The following LRRTM4 variants were observed in gnomAD, a reference collection of about 807,000 sequenced individuals.
LRRTM4 encodes the protein leucine-rich repeat transmembrane neuronal protein 4.
LRRTM4 carries 25 observed loss-of-function variants against 47.6 expected under a neutral mutation model. The observed-to-expected ratio is 0.53, with a 90% CI of 0.38 to 0.73. The LOEUF (loss-of-function observed/expected upper bound fraction) is 0.73. Among genes scored for constraint, LRRTM4 ranks in the 30% least tolerant of loss-of-function variants. The pLI, the probability that LRRTM4 is intolerant of heterozygous loss-of-function variation, is 0.00. For missense variants in LRRTM4, 638 were observed against 713.4 expected, an observed-to-expected ratio of 0.89 and a Z score of 1.20; for synonymous variants, 311 against 269.5, an observed-to-expected ratio of 1.15 and a Z score of -1.51.
intron 3 of LRRTM4, among the ~76,000 whole-genome samples, chr2:77,433,069 A>AAAAAGACAATCTAC (rs1243003494): frequency 6.6e-6 from 1 of 152,184 alleles, no homozygotes; most frequent in East Asian, 1.9e-4. Context: ...GACAAGGCAG[A>AAAAAGACAATCTAC]AAAAGACAAT....
At chr2:77,219,471 C>A (rs1674556484) in intron 3 of LRRTM4, among the ~76,000 whole-genome samples, 2 of 152,076 alleles carry the variant, frequency 1.3e-5, no homozygotes, top group African/African-American at 2.4e-5. Flanking sequence ...GGAAAAAAAA[C>A]AGAAACACGA....
intron 3 of LRRTM4, among the ~76,000 whole-genome samples, chr2:76,866,771 G>T (rs1672481960): frequency 6.6e-6 from 1 of 152,080 alleles, no homozygotes; most frequent in Admixed American, 6.6e-5. Flanking sequence ...TTGGTTCCTA[G>T]TCTTTGCTAT....
At chr2:77,207,142 T>TA (rs1674148152) in intron 3 of LRRTM4, among the ~76,000 whole-genome samples, 15 of 136,848 alleles carry the variant, frequency 1.1e-4, no homozygotes, top group East Asian at 2.2e-4. Flanking sequence ...TATTTTATAT[T>TA]TATATATATA....
chr2:77,165,185 C>G (rs1000579790), intron 3 of LRRTM4, among the ~76,000 whole-genome samples: 4 of 152,170 alleles, frequency 2.6e-5, no homozygotes, highest in East Asian at 3.9e-4. Flanking sequence ...CTATAAACAT[C>G]TCTATGCAAA....
chr2:77,006,573 G>A (rs561934579), intron 3 of LRRTM4, among the ~76,000 whole-genome samples: 1 of 152,246 alleles, frequency 6.6e-6, no homozygotes, highest in Admixed American at 6.5e-5. Context: ...TAAGAGCTAA[G>A]GAAGATGTAT....
intron 3 of LRRTM4, among the ~76,000 whole-genome samples, chr2:76,889,134 G>C (rs1673172274): frequency 6.6e-6 from 1 of 151,704 alleles, no homozygotes; most frequent in Non-Finnish European, 1.5e-5. Context: ...TTTTCATGGA[G>C]GAAACGTAAA....
intron 3 of LRRTM4, among the ~76,000 whole-genome samples, chr2:77,299,245 A>G (rs1454442333): frequency 1.9e-5 from 2 of 105,422 alleles, no homozygotes; most frequent in Non-Finnish European, 3.8e-5. Flanking sequence ...CTCTCTCTTT[A>G]TCTATATATA....
At chr2:76,840,859 C>T (rs887093038) in intron 3 of LRRTM4, among the ~76,000 whole-genome samples, 3 of 151,956 alleles carry the variant, frequency 2.0e-5, no homozygotes, top group South Asian at 2.1e-4. Flanking sequence ...TTGTGGAAGT[C>T]AGTGTGGCGA....
At chr2:77,488,260 T>A (rs1678004167) in intron 3 of LRRTM4, among the ~76,000 whole-genome samples, 1 of 152,168 alleles carries the variant, frequency 6.6e-6, no homozygotes, top group Non-Finnish European at 1.5e-5. Context: ...TTGCGGTACA[T>A]CTGGTCCAAC....
intron 3 of LRRTM4, among the ~76,000 whole-genome samples, chr2:76,787,787 A>C (rs1050852339): frequency 6.6e-6 from 1 of 152,032 alleles, no homozygotes; most frequent in Admixed American, 6.6e-5. Flanking sequence ...ATAGAGGTTC[A>C]CTTGATTTTC....
intron 3 of LRRTM4, among the ~76,000 whole-genome samples, chr2:77,066,964 T>TC (rs1182348036): frequency 1.3e-5 from 2 of 152,176 alleles, no homozygotes; most frequent in East Asian, 3.9e-4. Context: ...TTGCTTGGAT[T>TC]CCCCATGGGG....
intron 3 of LRRTM4, among the ~76,000 whole-genome samples, chr2:77,210,019 A>C (rs966071022): frequency 6.6e-6 from 1 of 152,220 alleles, no homozygotes; most frequent in Non-Finnish European, 1.5e-5. Flanking sequence ...TGAGCATTAC[A>C]CTTTTCACTA....
intron 3 of LRRTM4, among the ~76,000 whole-genome samples, chr2:77,029,408 C>A (rs1010550693): frequency 2.6e-5 from 4 of 152,064 alleles, no homozygotes; most frequent in African/African-American, 4.8e-5. Context: ...CCCTGGCAAA[C>A]CATTCGTGTA....
intron 3 of LRRTM4, among the ~76,000 whole-genome samples, chr2:77,032,529 A>G (rs1020485100): frequency 1.3e-5 from 2 of 152,146 alleles, no homozygotes; most frequent in African/African-American, 4.8e-5. Flanking sequence ...GAAGTTCAAT[A>G]TATTTTTTGA....
intron 3 of LRRTM4, among the ~76,000 whole-genome samples, chr2:76,974,195 TAC>T (rs755469915): frequency 1.7e-5 from 2 of 115,620 alleles, no homozygotes; most frequent in African/African-American, 4.4e-5. Flanking sequence ...TACATATATA[TAC>T]ATATATATAT....
intron 3 of LRRTM4, among the ~76,000 whole-genome samples, chr2:76,808,741 T>C (rs1055010928): frequency 6.6e-6 from 1 of 152,222 alleles, no homozygotes. Context: ...GGTGGAATGT[T>C]GTCTGGCCAG....
chr2:77,164,248 C>G (rs962438038), intron 3 of LRRTM4, among the ~76,000 whole-genome samples: 3 of 152,176 alleles, frequency 2.0e-5, no homozygotes, highest in Non-Finnish European at 4.4e-5. Flanking sequence ...ATCAATTCAA[C>G]AAGAAGAGCT....
intron 3 of LRRTM4, among the ~76,000 whole-genome samples, chr2:77,135,319 A>G (rs1461312058): frequency 6.6e-6 from 1 of 152,196 alleles, no homozygotes; most frequent in Non-Finnish European, 1.5e-5. Flanking sequence ...AGGGACATTC[A>G]TTATGTTAAA....
intron 3 of LRRTM4, among the ~76,000 whole-genome samples, chr2:77,115,110 A>G (rs1361998965): frequency 6.6e-6 from 1 of 152,158 alleles, no homozygotes; most frequent in Non-Finnish European, 1.5e-5. Context: ...TAACCCCAGG[A>G]ATGCATTCCT....
Sources: gnomAD v4.1 joint callset for allele counts (sites outside exome capture counted in the v4.1 genomes callset) on GRCh38, gnomAD v4.1.1 for gene constraint, MANE v1.5 for transcripts, NCBI Gene and HGNC (gene_info 2026-07-23, HGNC 2026-07-21) for gene names.